ATP10B: variants seen among roughly 807,000 people sequenced by gnomAD.
The protein encoded by ATP10B is ATPase phospholipid transporting 10B (putative).
In ATP10B, 122 loss-of-function variants were observed where a neutral mutation model predicts 141.2. The observed-to-expected ratio is 0.86, with a 90% CI of 0.75 to 1.00. ATP10B has a LOEUF of 1.00. Ranked by LOEUF, ATP10B falls within the 50% of genes least tolerant of loss-of-function variation. The pLI, the probability that ATP10B is intolerant of heterozygous loss-of-function variation, is 0.00. For synonymous variants in ATP10B, 685 were observed against 692.0 expected (o/e 0.99, Z 0.16); for missense variants, 1,876 against 1,825.3 (o/e 1.03, Z -0.51).
At chr5:160,691,239 A>G (rs1423372710) in intron 3 of ATP10B, among the ~76,000 whole-genome samples, 4 of 152,094 alleles carry the variant, frequency 2.6e-5, no homozygotes, top group Non-Finnish European at 5.9e-5. Flanking sequence ...ATAGCATTAG[A>G]AGAAATACCT....
the ATP10B span, among the ~76,000 whole-genome samples, chr5:160,863,498 A>G: frequency 5.8e-3 from 886 of 152,098 alleles, 12 homozygotes; most frequent in African/African-American, 0.02. Flanking sequence ...AAATGCCCAC[A>G]CCAAAAAGTG....
chr5:160,851,100 G>T (rs10035442), intron 1 of ATP10B, among the ~76,000 whole-genome samples: 113,448 of 152,072 alleles, frequency 0.75, 43,602 homozygotes, highest in East Asian at 0.98. Context: ...GATTGGCTTT[G>T]GGAGGTCAAG....
rs1450795513 is a variant in ATP10B, at chr5:160,816,740, G to A, written c.-575-30937C>T. On this transcript the variant is annotated intron_variant, in intron 1 of 25. Transcript: ENST00000327245. The stretch of plus-strand genomic sequence containing the variant: ...ACCAACATCCCTGATAAACATCGAT[G>A]CAAAAATCCTCAATAAAATACTGGC... Among the ~76,000 whole-genome samples, 4 of 152,190 alleles carry A rather than the reference G, an allele frequency of 2.6e-5. No homozygotes were observed. In the East Asian group the frequency reaches 7.7e-4, roughly 29 times the overall value.
chr5:160,616,840 T>A (rs1180824086), intron 16 of ATP10B, among the ~76,000 whole-genome samples: 1 of 152,096 alleles, frequency 6.6e-6, no homozygotes, highest in Non-Finnish European at 1.5e-5. Context: ...TAGAAAATGG[T>A]GGTAAGGGTG....
the ATP10B span, among the ~76,000 whole-genome samples, chr5:160,861,878 C>A: frequency 6.6e-6 from 1 of 151,838 alleles, no homozygotes; most frequent in South Asian, 2.1e-4. Flanking sequence ...AACAATATAT[C>A]TATTACATCT....
At chr5:160,685,309 A>G in intron 6 of ATP10B, 1 of 578,646 alleles carries the variant, frequency 1.7e-6, no homozygotes, top group South Asian at 2.3e-5. Flanking sequence ...CTCTTCTTTC[A>G]GAAGGATACT....
chr5:160,648,378 T>A (rs1006224511), intron 8 of ATP10B, among the ~76,000 whole-genome samples: 1 of 152,180 alleles, frequency 6.6e-6, no homozygotes, highest in Non-Finnish European at 1.5e-5. Flanking sequence ...GTATTTTATG[T>A]GTGGCCCAAG....
chr5:160,739,357 T>C lies in ATP10B; in HGVS notation c.-330-22323A>G, dbSNP rs534384183. Among the ~76,000 whole-genome samples the C allele has an allele frequency of 3.3e-4, 51 of 152,244 alleles. 1 individual carries two copies. Among genetic ancestry groups the C allele is most frequent in the Middle Eastern group, 3.4e-3 (1 of 294 alleles). Reference sequence around the variant, plus strand: ...TGCAATAAGGCAGACAAACAGACAATAGTCATATAGAATTAAAAGAGGTAA... The same window carrying C: ...TGCAATAAGGCAGACAAACAGACAACAGTCATATAGAATTAAAAGAGGTAA... On this transcript the variant is annotated intron_variant, in intron 2 of 25. Coordinates refer to ENST00000327245, the MANE Select transcript of ATP10B (RefSeq NM_025153.3).
At chr5:160,741,099 C>T (rs1311279487) in intron 2 of ATP10B, among the ~76,000 whole-genome samples, 1 of 152,194 alleles carries the variant, frequency 6.6e-6, no homozygotes, top group Non-Finnish European at 1.5e-5. Context: ...AGACTGAGTC[C>T]TCTCCCAGGC....
chr5:160,566,468 G>A (rs887824424), intron 25 of ATP10B, among the ~76,000 whole-genome samples: 2 of 152,202 alleles, frequency 1.3e-5, no homozygotes, highest in African/African-American at 4.8e-5. Context: ...ACTTGACAGT[G>A]TCATCATATT....
chr5:160,783,580 CACACACACACACACACAT>C (rs944861848), intron 2 of ATP10B, among the ~76,000 whole-genome samples: 2 of 130,092 alleles, frequency 1.5e-5, no homozygotes, highest in African/African-American at 2.8e-5. Flanking sequence ...CACACACACA[CACACACACACACACACAT>C]ACACACACAC....
At chr5:160,773,278 C>G (rs1384026525) in intron 2 of ATP10B, among the ~76,000 whole-genome samples, 1 of 152,140 alleles carries the variant, frequency 6.6e-6, no homozygotes, top group Non-Finnish European at 1.5e-5. Context: ...AAGCAAATAG[C>G]TTTGTTTTAG....
rs554394009 is a variant in ATP10B, at chr5:160,684,191, T to A, written c.470+1888A>T. On this transcript the variant is annotated intron_variant, in intron 6 of 25. Coordinates refer to ENST00000327245, the MANE Select transcript of ATP10B (RefSeq NM_025153.3). Reference sequence around the variant, plus strand: ...GGAGAACTCCCAAAAACAGAGTTAGTGATGAAGGAAACGTTGGGTTTGACA... The same window carrying A: ...GGAGAACTCCCAAAAACAGAGTTAGAGATGAAGGAAACGTTGGGTTTGACA... 2.0e-5 allele frequency among the ~76,000 whole-genome samples: 3 copies of A among 152,312 alleles called. No homozygotes were observed. The South Asian group carries it at 6.2e-4, about 32-fold the overall frequency.
chr5:160,833,164 C>A lies in ATP10B; in HGVS notation c.-576+18777G>T, dbSNP rs556908498. Reference sequence around the variant, plus strand: ...GAAAACTGTTTACAGAACTAGAGAGCAGAGAGAAAATATACTACCTCAAAA... The same window carrying A: ...GAAAACTGTTTACAGAACTAGAGAGAAGAGAGAAAATATACTACCTCAAAA... On this transcript the variant is annotated intron_variant, in intron 1 of 25. Transcript: ENST00000327245. 5.5e-4 allele frequency among the ~76,000 whole-genome samples: 83 copies of A among 152,208 alleles called. No homozygotes were observed. The South Asian group carries it at 0.017, about 31-fold the overall frequency.
rs1443574115 is a variant in ATP10B at position 160,668,231 on chromosome 5, A to G, written c.675+2232T>C. On this transcript the variant is annotated intron_variant, in intron 7 of 25. Transcript: ENST00000327245. Reference sequence around the variant, plus strand: ...GGTAACAGAGCGAGACTGTCCAAAAAAAAAAAAAAAAAAAAGGTAGAATAG... The same window carrying G: ...GGTAACAGAGCGAGACTGTCCAAAAGAAAAAAAAAAAAAAAGGTAGAATAG... Among the ~76,000 whole-genome samples the G allele has an allele frequency of 2.2e-4, 31 of 141,040 alleles. 1 individual carries two copies. The highest frequency in any genetic ancestry group is 8.5e-4 in the African/African-American group (29 of 34,134). 92.5% of individuals were successfully genotyped at this position (141,040 alleles called of 152,430 possible).
chr5:160,616,123 T>G (rs1429636028), intron 16 of ATP10B, among the ~76,000 whole-genome samples, 159 bp from the exon 17 acceptor site: 1 of 152,174 alleles, frequency 6.6e-6, no homozygotes, highest in Non-Finnish European at 1.5e-5. Flanking sequence ...ATATGTAAAT[T>G]AATGAAGATT....
At chr5:160,675,175 C>A (rs114761087) in intron 6 of ATP10B, among the ~76,000 whole-genome samples, 3 of 152,176 alleles carry the variant, frequency 2.0e-5, no homozygotes, top group Non-Finnish European at 4.4e-5. Flanking sequence ...CAGCCTGTTT[C>A]GAACAGCTGC....
chr5:160,662,912 G>A (rs1264823797), intron 7 of ATP10B, among the ~76,000 whole-genome samples: 2 of 152,140 alleles, frequency 1.3e-5, no homozygotes, highest in African/African-American at 2.4e-5. Flanking sequence ...CAAAGGGCTA[G>A]TATCCAGAAT....
At chr5:160,776,945 G>T (rs1025985511) in intron 2 of ATP10B, among the ~76,000 whole-genome samples, 30 of 152,300 alleles carry the variant, frequency 2.0e-4, no homozygotes, top group Middle Eastern at 6.8e-3. Flanking sequence ...GGAAGGCAAG[G>T]GAAAGAGTAG....
Sources: allele counts gnomAD v4.1 joint callset (sites outside exome capture counted in the v4.1 genomes callset), GRCh38; gene constraint gnomAD v4.1.1; transcripts MANE v1.5; gene names NCBI Gene and HGNC (gene_info 2026-07-23, HGNC 2026-07-21).